The following COL11A1 variants were observed in gnomAD, a reference collection of about 807,000 sequenced individuals.
COL11A1 encodes the protein collagen type XI alpha 1 chain, also known as collagen alpha-1(XI) chain.
In COL11A1, 74 loss-of-function variants were observed where a neutral mutation model predicts 265.2. That is an observed-to-expected ratio of 0.28 (90% CI 0.23 to 0.34). The LOEUF (loss-of-function observed/expected upper bound fraction) is 0.34. Ranked by LOEUF, COL11A1 falls within the 10% of genes least tolerant of loss-of-function variation. The pLI is 1.00. For synonymous variants in COL11A1, 816 were observed against 727.6 expected (o/e 1.12, Z -1.96); for missense variants, 2,165 against 2,263.6 (o/e 0.96, Z 0.88).
At chr1:102,927,966 T>G (rs1369007982) in intron 46 of COL11A1, among the ~76,000 whole-genome samples, 1 of 152,138 alleles carries the variant, frequency 6.6e-6, no homozygotes, top group Non-Finnish European at 1.5e-5. Flanking sequence ...GTCGAGTTTC[T>G]CCGGGGAAAG....
chr1:103,045,839 A>C (rs1223942845), intron 4 of COL11A1, among the ~76,000 whole-genome samples: 10 of 150,088 alleles, frequency 6.7e-5, no homozygotes. Context: ...TTATTATTCA[A>C]TTCCCACCTG....
At chr1:103,030,878 C>A in intron 5 of COL11A1, 1 of 482,504 alleles carries the variant, frequency 2.1e-6, no homozygotes, top group Non-Finnish European at 3.8e-6. Flanking sequence ...TGTGCATATA[C>A]ACAGTATACA....
chr1:102,912,593 T>A (rs938567168), intron 53 of COL11A1, among the ~76,000 whole-genome samples: 1 of 152,200 alleles, frequency 6.6e-6, no homozygotes, highest in South Asian at 2.1e-4. Flanking sequence ...ACTTTTAAAT[T>A]TATTTTTGTA....
intron 4 of COL11A1, among the ~76,000 whole-genome samples, chr1:103,052,523 G>T (rs1484002839): frequency 6.6e-6 from 1 of 151,872 alleles, no homozygotes. Context: ...TTCCCCCCTT[G>T]AATATTTTTA....
At chr1:102,890,924 T>C (rs997159770) in intron 57 of COL11A1, among the ~76,000 whole-genome samples, 1 of 152,094 alleles carries the variant, frequency 6.6e-6, no homozygotes, top group Non-Finnish European at 1.5e-5. Context: ...GAACAGTCAA[T>C]AGATCTTTGA....
At chr1:103,016,885 T>C (rs1666610486) in intron 11 of COL11A1, among the ~76,000 whole-genome samples, 1 of 152,018 alleles carries the variant, frequency 6.6e-6, no homozygotes, top group Non-Finnish European at 1.5e-5. Context: ...ATTTCCTACA[T>C]TTTTAGATCA....
At chr1:102,942,296 T>C (rs1193209841) in intron 42 of COL11A1, among the ~76,000 whole-genome samples, 2 of 152,212 alleles carry the variant, frequency 1.3e-5, no homozygotes, top group African/African-American at 4.8e-5. Context: ...AAGGCAGATA[T>C]ATTCTCTTCT....
At chr1:103,007,042 C>A (rs1053172254) in intron 15 of COL11A1, among the ~76,000 whole-genome samples, 2 of 151,704 alleles carry the variant, frequency 1.3e-5, no homozygotes, top group African/African-American at 2.4e-5. Context: ...CCTTTCATTG[C>A]GCTTATAATG....
At position 103,003,210 on chromosome 1, in the gene COL11A1, C is replaced by A. The variant is rs1344009565; in HGVS notation, c.1998+5G>T. ...AAAATCTTCAATGTTTCCAGCAATA[C>A]ATACAGGCTGCCCTGGAGCTCCTGG... On this transcript the variant is annotated splice_donor_5th_base_variant and intron_variant, in intron 21 of 66. Coordinates refer to ENST00000370096, the MANE Select transcript of COL11A1 (RefSeq NM_001854.4). 1.9e-6 allele frequency: 3 copies of A among 1,613,490 alleles called. No individual in the cohort carries two copies. Among genetic ancestry groups the A allele is most frequent in the Non-Finnish European group, 1.7e-6 (2 of 1,179,750 alleles).
At chr1:103,064,085 G>A (rs1195798804) in intron 4 of COL11A1, among the ~76,000 whole-genome samples, 1 of 152,152 alleles carries the variant, frequency 6.6e-6, no homozygotes, top group African/African-American at 2.4e-5. Context: ...GAAAAGCTGT[G>A]AAGCAAAACA....
chr1:103,024,189 C>T (rs753628816), intron 7 of COL11A1, among the ~76,000 whole-genome samples: 1 of 152,128 alleles, frequency 6.6e-6, no homozygotes, highest in Non-Finnish European at 1.5e-5. Context: ...TTGAGTGGTA[C>T]AATCATACCT....
intron 15 of COL11A1, among the ~76,000 whole-genome samples, chr1:103,007,843 C>T (rs1665761184): frequency 8.3e-6 from 1 of 120,970 alleles, no homozygotes; most frequent in African/African-American, 3.2e-5. Context: ...GCCTGGGCAA[C>T]AGAGCAGAGT....
At chr1:103,033,292 CT>C in intron 4 of COL11A1, among the ~76,000 whole-genome samples, 1 of 151,884 alleles carries the variant, frequency 6.6e-6, no homozygotes, top group Admixed American at 6.6e-5. Context: ...CGTTTTCTGC[CT>C]TTGTATTAAT....
intron 52 of COL11A1, among the ~76,000 whole-genome samples, chr1:102,914,074 A>G (rs1019647740): frequency 1.3e-5 from 2 of 152,204 alleles, no homozygotes; most frequent in Non-Finnish European, 2.9e-5. Context: ...AATAATAATG[A>G]TGCTACTCAG....
chr1:102,984,092 T>C, intron 31 of COL11A1, 46 bp downstream of exon 31: 10 of 1,286,926 alleles, frequency 7.8e-6, no homozygotes, highest in Non-Finnish European at 1.1e-5. Flanking sequence ...TGATTAATAT[T>C]ATCTTCACGA....
chr1:102,936,586 A>G (rs553520665), intron 44 of COL11A1, among the ~76,000 whole-genome samples: 1 of 152,304 alleles, frequency 6.6e-6, no homozygotes, highest in East Asian at 1.9e-4. Context: ...TGCAGGCTTT[A>G]TATCTTCCCA....
At chr1:102,957,260 A>C (rs1414536500) in intron 41 of COL11A1, among the ~76,000 whole-genome samples, 1 of 152,102 alleles carries the variant, frequency 6.6e-6, no homozygotes, top group East Asian at 1.9e-4. Context: ...TGGATACATT[A>C]GAATTAAATA....
chr1:103,096,077 A>T (rs1010409569), intron 1 of COL11A1, among the ~76,000 whole-genome samples: 1 of 152,032 alleles, frequency 6.6e-6, no homozygotes, highest in African/African-American at 2.4e-5. Context: ...GAGAAGGATG[A>T]CTTGAATCAA....
At chr1:102,916,018 T>C (rs114880683) in intron 49 of COL11A1, among the ~76,000 whole-genome samples, 4,929 of 152,264 alleles carry the variant, frequency 0.032, 110 homozygotes, top group Middle Eastern at 0.085. Flanking sequence ...TCAATATTCA[T>C]ATTACAATAA....
Sources: gnomAD v4.1 joint callset for allele counts (sites outside exome capture counted in the v4.1 genomes callset) on GRCh38, gnomAD v4.1.1 for gene constraint, MANE v1.5 for transcripts, NCBI Gene and HGNC (gene_info 2026-07-23, HGNC 2026-07-21) for gene names.